RALGAPA2: variants seen among roughly 807,000 people sequenced by gnomAD.
RALGAPA2 encodes Ral GTPase activating protein catalytic subunit alpha 2, also known as ral GTPase-activating protein subunit alpha-2.
A neutral mutation model predicts 230.4 loss-of-function variants in RALGAPA2; 139 were observed. The observed-to-expected ratio is 0.60, with a 90% CI of 0.53 to 0.69. RALGAPA2 has a LOEUF of 0.69. RALGAPA2 is among the 30% of genes least tolerant of loss of function. RALGAPA2 has a pLI of 0.00. For missense variants in RALGAPA2, 2,163 were observed against 2,276.0 expected (o/e 0.95, Z 1.01); for synonymous variants, 847 against 837.8 (o/e 1.01, Z -0.19).
At chr20:20,439,457 C>T (rs2060687607) in intron 37 of RALGAPA2, among the ~76,000 whole-genome samples, 4 of 152,218 alleles carry the variant, frequency 2.6e-5, no homozygotes, top group Admixed American at 2.6e-4. Flanking sequence ...AAGCGATCCA[C>T]TGGCCTCAGC....
At chr20:20,638,009 T>TA (rs986594873) in intron 7 of RALGAPA2, among the ~76,000 whole-genome samples, 1 of 152,152 alleles carries the variant, frequency 6.6e-6, no homozygotes, top group Non-Finnish European at 1.5e-5. Context: ...TTCTCCGTAT[T>TA]AAAAAAATTC....
intron 1 of RALGAPA2, among the ~76,000 whole-genome samples, chr20:20,700,091 T>G (rs2069286834): frequency 1.3e-5 from 2 of 151,972 alleles, no homozygotes; most frequent in South Asian, 2.1e-4. Flanking sequence ...ATAAAGAAAA[T>G]GTGGTACATA....
chr20:20,535,858 CAT>C (rs745395885), intron 25 of RALGAPA2, 55 bp from the exon 26 acceptor site: 386 of 1,521,860 alleles, frequency 2.5e-4, no homozygotes, highest in Non-Finnish European at 3.3e-4. Context: ...TGGTTTCCCA[CAT>C]GTTCTGACCA....
rs1431691352 is a variant in RALGAPA2, at chr20:20,500,878, A to G, written c.5208+2473T>C. 2.6e-5 allele frequency among the ~76,000 whole-genome samples: 4 copies of G among 152,244 alleles called. No individual in the cohort carries two copies. The East Asian group carries it at 5.8e-4, about 22-fold the overall frequency. On this transcript the variant is annotated intron_variant, in intron 35 of 39. Transcript: ENST00000202677. ...TGCAGAATATGGATATTGTGTTAGC[A>G]GGAATGAAAAACAACACTACATCTC...
At chr20:20,611,613 AT>A (rs1163088814) in intron 13 of RALGAPA2, among the ~76,000 whole-genome samples, 187 bp from the exon 14 acceptor site, 6 of 152,228 alleles carry the variant, frequency 3.9e-5, no homozygotes, top group Admixed American at 2.6e-4. Flanking sequence ...CCCTTATGTT[AT>A]AACAGTTTTA....
At chr20:20,614,501 T>C (rs1422205629) in intron 13 of RALGAPA2, among the ~76,000 whole-genome samples, 1 of 152,226 alleles carries the variant, frequency 6.6e-6, no homozygotes, top group Non-Finnish European at 1.5e-5. Flanking sequence ...ACTGTCAATA[T>C]TACTGACGTG....
intron 15 of RALGAPA2, among the ~76,000 whole-genome samples, chr20:20,603,200 G>A (rs1399126711): frequency 6.6e-6 from 1 of 152,200 alleles, no homozygotes. Context: ...TGTTAAAAAT[G>A]TTAGAAAATC....
intron 23 of RALGAPA2, among the ~76,000 whole-genome samples, chr20:20,555,290 C>A (rs1602770784): frequency 6.6e-6 from 1 of 152,200 alleles, no homozygotes; most frequent in East Asian, 1.9e-4. Flanking sequence ...ATATGTTTAA[C>A]CTTTCACCAG....
At chr20:20,572,069 AT>A in intron 21 of RALGAPA2, 123 bp from the exon 22 acceptor site, 3 of 653,300 alleles carry the variant, frequency 4.6e-6, no homozygotes, top group Non-Finnish European at 7.9e-6. Context: ...AACCTGTAAT[AT>A]TTACAAGTTT....
At chr20:20,478,888 GAAA>G (rs1569432248) in intron 36 of RALGAPA2, among the ~76,000 whole-genome samples, 1 of 151,150 alleles carries the variant, frequency 6.6e-6, no homozygotes, top group Non-Finnish European at 1.5e-5. Flanking sequence ...TTCGTTCTTT[GAAA>G]AAAGTCTAAT....
chr20:20,563,859 T>C (rs1329979029), intron 23 of RALGAPA2, among the ~76,000 whole-genome samples: 1 of 151,952 alleles, frequency 6.6e-6, no homozygotes, highest in Non-Finnish European at 1.5e-5. Context: ...AAAACACATA[T>C]GTGCATATAT....
chr20:20,559,470 C>T (rs1215230741), intron 23 of RALGAPA2, among the ~76,000 whole-genome samples: 2 of 152,070 alleles, frequency 1.3e-5, no homozygotes, highest in Non-Finnish European at 2.9e-5. Flanking sequence ...CCAACAAACC[C>T]GACACTACAC....
chr20:20,543,544 G>A (rs1346426442), intron 24 of RALGAPA2, among the ~76,000 whole-genome samples: 5 of 152,166 alleles, frequency 3.3e-5, no homozygotes, highest in Non-Finnish European at 7.3e-5. Flanking sequence ...GGAATACTAT[G>A]CAGCCATAAA....
chr20:20,398,064 A>G lies in RALGAPA2; in HGVS notation c.5618-1330T>C, dbSNP rs1122098. 0.46 allele frequency among the ~76,000 whole-genome samples: 69,422 copies of G among 151,934 alleles called. 16,170 individuals carry two copies. Among genetic ancestry groups the G allele is most frequent in the Middle Eastern group, 0.56 (166 of 294 alleles). On this transcript the variant is annotated intron_variant, in intron 38 of 39. Transcript: ENST00000202677. The surrounding 1 kb of genome is among the most constrained non-coding windows in gnomAD (Gnocchi z 4.5). ...CATTTAGATTTCTGATTTCCCCCCA[A>G]TGTGCTGTGCTGAAGGGCCCCCATT...
At chr20:20,543,063 T>TA (rs1356462885) in intron 24 of RALGAPA2, among the ~76,000 whole-genome samples, 1 of 151,906 alleles carries the variant, frequency 6.6e-6, no homozygotes, top group Non-Finnish European at 1.5e-5. Context: ...TTTTTTTTTT[T>TA]AGACGGAGTC....
chr20:20,488,309 G>A (rs768613128), intron 36 of RALGAPA2, among the ~76,000 whole-genome samples: 2 of 152,196 alleles, frequency 1.3e-5, no homozygotes, highest in Non-Finnish European at 2.9e-5. Context: ...GTATCCTAGA[G>A]GTAGAACTCA....
At chr20:20,494,921 G>A (rs890269158) in intron 36 of RALGAPA2, among the ~76,000 whole-genome samples, 196 bp downstream of exon 36, 2 of 152,100 alleles carry the variant, frequency 1.3e-5, no homozygotes, top group African/African-American at 4.8e-5. Context: ...ACAATTTTGT[G>A]CTCATGATGA....
intron 39 of RALGAPA2, 53 bp downstream of exon 39, chr20:20,396,642 C>A: frequency 6.6e-7 from 1 of 1,524,560 alleles, no homozygotes; most frequent in Non-Finnish European, 9.0e-7. Context: ...AAAAGTCCCA[C>A]CCCCTCCCCA....
chr20:20,637,601 ATGT>A, intron 7 of RALGAPA2, 100 bp from the exon 8 acceptor site: 1 of 1,042,240 alleles, frequency 9.6e-7, no homozygotes, highest in Admixed American at 3.5e-5. Flanking sequence ...CCTAACCTAA[ATGT>A]AAAAAATGAC....
Sources: allele counts gnomAD v4.1 joint callset (sites outside exome capture counted in the v4.1 genomes callset), GRCh38; gene constraint gnomAD v4.1.1; non-coding constraint Gnocchi (gnomAD v3.1); transcripts MANE v1.5; gene names NCBI Gene and HGNC (gene_info 2026-07-23, HGNC 2026-07-21).